Variants in VPS13B observed in about 807,000 individuals in gnomAD.
The protein encoded by VPS13B is intermembrane lipid transfer protein VPS13B.
A neutral mutation model predicts 426.4 loss-of-function variants in VPS13B; 285 were observed. That is an observed-to-expected ratio of 0.67 (90% CI 0.61 to 0.74). VPS13B has a LOEUF of 0.74. VPS13B is among the 30% of genes least tolerant of loss of function. VPS13B has a pLI of 0.00. For missense variants in VPS13B, 4,537 were observed against 4,782.6 expected, an observed-to-expected ratio of 0.95 and a Z score of 1.51; for synonymous variants, 1,676 against 1,676.4, an observed-to-expected ratio of 1.00 and a Z score of 0.01.
intron 24 of VPS13B, among the ~76,000 whole-genome samples, chr8:99,471,450 G>T (rs1019989589): frequency 5.9e-5 from 9 of 152,040 alleles, no homozygotes; most frequent in Admixed American, 1.3e-4. Context: ...CTCTTAAGTA[G>T]ACCGAAAGTT....
At chr8:99,396,730 G>A (rs909352301) in intron 21 of VPS13B, among the ~76,000 whole-genome samples, 1 of 152,098 alleles carries the variant, frequency 6.6e-6, no homozygotes, top group African/African-American at 2.4e-5. Flanking sequence ...CTACTGGGAA[G>A]CACCTTTTAT....
rs546019783 is a variant in VPS13B, at chr8:99,770,970, G to A, written c.7247+4000G>A. Among the ~76,000 whole-genome samples the A allele has an allele frequency of 2.0e-5, 3 of 152,322 alleles. No individual in the cohort carries two copies. The South Asian group carries it at 6.2e-4, about 32-fold the overall frequency. ...GGAATCATGAGCCCTACTCTCTTGG[G>A]CCAGCCTGGCAGGTTCCCTGGGTTT... On this transcript the variant is annotated intron_variant, in intron 40 of 61. Transcript: ENST00000357162.
chr8:99,044,851 T>TACAC (rs1843138968), intron 3 of VPS13B, among the ~76,000 whole-genome samples: 2 of 81,924 alleles, frequency 2.4e-5, no homozygotes, highest in African/African-American at 9.8e-5. Flanking sequence ...TATTCCATTT[T>TACAC]ATACACACAC....
chr8:99,727,498 A>T (rs1197024123), intron 39 of VPS13B, among the ~76,000 whole-genome samples: 2 of 152,238 alleles, frequency 1.3e-5, no homozygotes, highest in African/African-American at 4.8e-5. Flanking sequence ...GGGAGGCCTC[A>T]ATATCATGGC....
chr8:99,468,697 C>T (rs1819240868), intron 24 of VPS13B, among the ~76,000 whole-genome samples: 1 of 152,134 alleles, frequency 6.6e-6, no homozygotes, highest in South Asian at 2.1e-4. Context: ...TGCACTCCAG[C>T]CTGGGCAATA....
chr8:99,121,527 C>T, intron 8 of VPS13B, 82 bp downstream of exon 8: 3 of 1,576,186 alleles, frequency 1.9e-6, no homozygotes, highest in Non-Finnish European at 2.6e-6. Flanking sequence ...TAGCTTTATT[C>T]AAGTTTGCTT....
intron 19 of VPS13B, among the ~76,000 whole-genome samples, chr8:99,287,442 T>C (rs969673247): frequency 6.6e-6 from 1 of 152,022 alleles, no homozygotes; most frequent in African/African-American, 2.4e-5. Context: ...TATTTTAATT[T>C]TAGTAGTTAA....
At chr8:99,797,269 T>G (rs1442142868) in intron 43 of VPS13B, 5 of 152,144 alleles carry the variant, frequency 3.3e-5, no homozygotes, top group Non-Finnish European at 7.3e-5. Context: ...AGACAGAGTT[T>G]TGCTCTGTGG....
chr8:99,513,037 A>G (rs1313547325), intron 29 of VPS13B, among the ~76,000 whole-genome samples: 1 of 151,700 alleles, frequency 6.6e-6, no homozygotes, highest in Admixed American at 6.6e-5. Context: ...AAAAACCATA[A>G]TGTTGCAGTA....
intron 50 of VPS13B, 96 bp downstream of exon 50, chr8:99,821,578 A>T: frequency 7.2e-7 from 1 of 1,394,610 alleles, no homozygotes; most frequent in Non-Finnish European, 1.0e-6. Flanking sequence ...TACCTTTTTC[A>T]TATTACTTCT....
intron 39 of VPS13B, among the ~76,000 whole-genome samples, chr8:99,755,940 A>T (rs895700613): frequency 6.6e-6 from 1 of 151,954 alleles, no homozygotes; most frequent in Admixed American, 6.6e-5. Context: ...GTAGTATGAG[A>T]TGGGCAAAGA....
chr8:99,086,785 A>G (rs1178147179), intron 3 of VPS13B, among the ~76,000 whole-genome samples: 1 of 152,212 alleles, frequency 6.6e-6, no homozygotes, highest in African/African-American at 2.4e-5. Context: ...ATTGGTGAAC[A>G]GCAAATGTTG....
At chr8:99,658,228 G>C (rs959984719) in intron 34 of VPS13B, among the ~76,000 whole-genome samples, 1 of 152,058 alleles carries the variant, frequency 6.6e-6, no homozygotes, top group African/African-American at 2.4e-5. Flanking sequence ...AAAAGTATGC[G>C]TGCAAAAAGC....
rs1815467648 is a variant in VPS13B, at chr8:99,837,722, A to C, written c.9942+1984A>C. The stretch of plus-strand genomic sequence containing the variant: ...CCTACTCTGGAGGAAGATTTGTTTC[A>C]GACCCTCACCGACATCTCCTCAGTA... On this transcript the variant is annotated intron_variant, in intron 54 of 61. Coordinates refer to ENST00000357162, the MANE Select transcript of VPS13B (RefSeq NM_152564.5). Among the ~76,000 whole-genome samples the C allele has an allele frequency of 2.0e-5, 3 of 152,208 alleles. No homozygotes were observed. In the South Asian group the frequency reaches 6.2e-4, roughly 32 times the overall value.
intron 17 of VPS13B, among the ~76,000 whole-genome samples, chr8:99,236,525 C>T (rs982640104): frequency 6.6e-6 from 1 of 152,208 alleles, no homozygotes; most frequent in African/African-American, 2.4e-5. Flanking sequence ...GCTAGGATTA[C>T]AGGCATGAAC....
chr8:99,729,175 G>C (rs974342705), intron 39 of VPS13B, among the ~76,000 whole-genome samples: 2 of 152,148 alleles, frequency 1.3e-5, no homozygotes, highest in African/African-American at 2.4e-5. Context: ...GTCATTGTGA[G>C]CTTTACAGAA....
chr8:99,769,892 C>T (rs969141953), intron 40 of VPS13B, among the ~76,000 whole-genome samples: 3 of 152,120 alleles, frequency 2.0e-5, no homozygotes, highest in African/African-American at 7.2e-5. Context: ...GGTTCAGTGG[C>T]TAACATCTAT....
At chr8:99,306,698 G>A (rs927778122) in intron 19 of VPS13B, among the ~76,000 whole-genome samples, 2 of 152,076 alleles carry the variant, frequency 1.3e-5, no homozygotes, top group Non-Finnish European at 2.9e-5. Context: ...ACAGTATAGT[G>A]TGGGAGGATC....
intron 20 of VPS13B, among the ~76,000 whole-genome samples, chr8:99,390,180 C>T (rs1814355613): frequency 6.6e-6 from 1 of 151,704 alleles, no homozygotes; most frequent in South Asian, 2.1e-4. Flanking sequence ...TCACTGCAAG[C>T]TCTGCCTCCT....
Sources: allele counts gnomAD v4.1 joint callset (sites outside exome capture counted in the v4.1 genomes callset), GRCh38; gene constraint gnomAD v4.1.1; transcripts MANE v1.5; gene names NCBI Gene and HGNC (gene_info 2026-07-23, HGNC 2026-07-21).